DEAF1: variants seen among roughly 807,000 people sequenced by gnomAD.
The protein encoded by DEAF1 is DEAF1 transcription factor, also known as deformed epidermal autoregulatory factor 1 homolog.
DEAF1 carries 53 observed loss-of-function variants against 58.9 expected under a neutral mutation model. The ratio of observed to expected loss-of-function variants is 0.90; its 90% CI spans 0.72 to 1.13. The LOEUF is 1.13. DEAF1 is among the 50% of genes most tolerant of loss of function. The pLI, the probability that DEAF1 is intolerant of heterozygous loss-of-function variation, is 0.00. For synonymous variants in DEAF1, 385 were observed against 340.4 expected (o/e 1.13, Z -1.44); for missense variants, 685 against 791.4 (o/e 0.87, Z 1.61).
At chr11:670,763 T>C (rs1859776887) in intron 10 of DEAF1, among the ~76,000 whole-genome samples, 1 of 123,774 alleles carries the variant, frequency 8.1e-6, no homozygotes, top group African/African-American at 3.1e-5. Context: ...AATTTCTTTT[T>C]TCTTTTTGTT....
Position 644,305 on chromosome 11 carries a change from A to C in DEAF1, c.*245T>G, listed in dbSNP as rs758822192. The C allele has an allele frequency of 4.5e-5, 27 of 594,636 alleles. No individual in the cohort carries two copies. Among genetic ancestry groups the C allele is most frequent in the Non-Finnish European group, 7.0e-5 (23 of 330,824 alleles). 36.8% of individuals were successfully genotyped at this position (594,636 alleles called of 1,614,324 possible). On this transcript the variant is annotated 3_prime_UTR_variant, in exon 12 of 12. Transcript: ENST00000382409. The surrounding 1 kb of genome is among the most constrained non-coding windows in gnomAD (Gnocchi z 4.3). ...TCGCAGCACAGGCCCTGTGGGCAAG[A>C]CCGGACGCTCATGATCCCAGGGATA...
chr11:656,184 CTCGCTCTG>C (rs1211967960), intron 10 of DEAF1, among the ~76,000 whole-genome samples: 1 of 142,144 alleles, frequency 7.0e-6, no homozygotes, highest in East Asian at 2.0e-4. Context: ...GAGATGGAGT[CTCGCTCTG>C]TCGCCCAGCC....
chr11:667,174 T>C (rs1859576768), intron 10 of DEAF1, among the ~76,000 whole-genome samples: 1 of 152,002 alleles, frequency 6.6e-6, no homozygotes, highest in South Asian at 2.1e-4. Flanking sequence ...AGCTAAAAAT[T>C]GGCCGGGAGT....
chr11:695,575 C>T (rs930798990), upstream of DEAF1: 4 of 1,233,928 alleles, frequency 3.2e-6, no homozygotes, highest in Middle Eastern at 2.2e-4. Context: ...AGCCCGAGGC[C>T]GAGCCGAGAC....
chr11:704,371 G>A, intron 1 of DEAF1: 1 of 1,092,794 alleles, frequency 9.2e-7, no homozygotes, highest in Non-Finnish European at 1.2e-6. Context: ...TTTCCTGCCT[G>A]TCTTCGTGGA....
intron 10 of DEAF1, among the ~76,000 whole-genome samples, chr11:656,915 A>G (rs963030465): frequency 1.3e-5 from 2 of 151,542 alleles, no homozygotes; most frequent in African/African-American, 4.9e-5. Context: ...GGTTAGAAGG[A>G]GCTTTGGGGT....
At chr11:654,109 A>C (rs7109899) in intron 10 of DEAF1, 58 bp from the exon 11 acceptor site, 1 of 1,452,824 alleles carries the variant, frequency 6.9e-7, no homozygotes, top group Non-Finnish European at 9.5e-7. Context: ...CCCCTGAGAC[A>C]CCGGGGACAG....
intron 10 of DEAF1, among the ~76,000 whole-genome samples, chr11:659,655 T>C (rs1268534269): frequency 6.6e-6 from 1 of 152,148 alleles, no homozygotes; most frequent in Non-Finnish European, 1.5e-5. Flanking sequence ...GAGGGCGAGT[T>C]GGCCTCGGGG....
rs150492580 is a variant in DEAF1 at position 650,022 on chromosome 11, A to AAAAAAC, written c.1593+3934_1593+3939dup. On this transcript the variant is annotated intron_variant, in intron 11 of 11. Transcript: ENST00000382409. ...GCCTGGCGACAGAGTGAGATTGTCT[A>AAAAAAC]AAAAACAAAAACAAAAACAAAAACA... Among the ~76,000 whole-genome samples, 356 of 150,512 alleles carry AAAAAAC rather than the reference A, an allele frequency of 2.4e-3. 4 individuals carry two copies. Among genetic ancestry groups the AAAAAAC allele is most frequent in the African/African-American group, 7.4e-3 (303 of 40,966 alleles).
chr11:681,787 C>A (rs1274753095), intron 6 of DEAF1, among the ~76,000 whole-genome samples: 2 of 152,134 alleles, frequency 1.3e-5, no homozygotes, highest in African/African-American at 4.8e-5. Context: ...ACCTTCCATG[C>A]AATCTCTAGC....
intron 10 of DEAF1, among the ~76,000 whole-genome samples, chr11:669,114 T>C (rs1048846703): frequency 1.4e-5 from 2 of 141,588 alleles, no homozygotes; most frequent in Admixed American, 7.6e-5. Context: ...CGTAAGCCAC[T>C]GCACCCGACC....
Position 659,350 on chromosome 11 carries a change from A to C in DEAF1, c.1504-5299T>G, listed in dbSNP as rs1239958334. Among the ~76,000 whole-genome samples the C allele has an allele frequency of 2.0e-5, 3 of 152,128 alleles. 1 individual carries two copies. The highest frequency in any genetic ancestry group is 3.2e-3 in the Middle Eastern group (1 of 316). ...GGAGGTTGCAGTGAGCTGAGGTCAC[A>C]CCAGTGCACTCCAGCCTGGGTGACA... is the stretch of plus-strand genomic sequence containing the variant. On this transcript the variant is annotated intron_variant, in intron 10 of 11. Coordinates refer to ENST00000382409, the MANE Select transcript of DEAF1 (RefSeq NM_021008.4).
intron 9 of DEAF1, chr11:678,174 AC>A (rs1860162412): frequency 5.7e-6 from 1 of 175,120 alleles, no homozygotes; most frequent in Admixed American, 5.7e-5. Context: ...GCGCCACTGC[AC>A]CCCAGCCTGG....
Position 691,591 on chromosome 11 carries a change from G to A in DEAF1, c.297C>T (p.Thr99=). The change falls in exon 2 of 12, where the codon ACC becomes ACT. Residue 99 remains threonine (T), a synonymous_variant. Coordinates refer to ENST00000382409, the MANE Select transcript of DEAF1 (RefSeq NM_021008.4). ...AAAAAAFAEV[T]TVTVANVGAA... is the part of the protein sequence containing the mutation. ...CCCCCACGTTGGCCACTGTCACTGT[G>A]GTCACCTCTGCAACAGAAGGAGCCT... is the stretch of plus-strand genomic sequence containing the variant. The A allele has an allele frequency of 6.2e-7, 1 of 1,613,466 alleles. No homozygotes were observed. The highest frequency in any genetic ancestry group is 1.6e-4 in the Middle Eastern group (1 of 6,062).
At chr11:677,804 C>CA (rs1051706533) in intron 9 of DEAF1, among the ~76,000 whole-genome samples, 6 of 147,100 alleles carry the variant, frequency 4.1e-5, no homozygotes, top group East Asian at 2.0e-4. Context: ...AATACAATAA[C>CA]AAAAAAAAAT....
chr11:687,763 T>A (rs770315959), intron 4 of DEAF1, 148 bp downstream of exon 4: 4 of 997,018 alleles, frequency 4.0e-6, no homozygotes, highest in Non-Finnish European at 6.2e-6. Flanking sequence ...CCCAAAGTGC[T>A]GGTATTACAG....
At chr11:646,407 C>T (rs752663684) in intron 11 of DEAF1, 6 of 152,280 alleles carry the variant, frequency 3.9e-5, no homozygotes, top group African/African-American at 9.6e-5. Context: ...GGAAGGGTTC[C>T]GGTTCCTGCC....
intron 10 of DEAF1, among the ~76,000 whole-genome samples, chr11:655,052 C>CAAACA (rs757493264): frequency 6.6e-6 from 1 of 150,854 alleles, no homozygotes; most frequent in Admixed American, 6.6e-5. Context: ...GTCTCCAAAA[C>CAAACA]AAACAAACAA....
intron 9 of DEAF1, 39 bp downstream of exon 9, chr11:678,655 G>A (rs376073987): frequency 3.1e-6 from 5 of 1,613,078 alleles, no homozygotes; most frequent in Non-Finnish European, 4.2e-6. Flanking sequence ...CAATTCTGAG[G>A]ACAATAACCT....
Sources: gnomAD v4.1 joint callset for allele counts (sites outside exome capture counted in the v4.1 genomes callset) on GRCh38, gnomAD v4.1.1 for gene constraint, Gnocchi (gnomAD v3.1) non-coding constraint, MANE v1.5 for transcripts, NCBI Gene and HGNC (gene_info 2026-07-23, HGNC 2026-07-21) for gene names.